The following TUBB3 variants were observed in gnomAD, a reference collection of about 807,000 sequenced individuals.
TUBB3 encodes tubulin beta 3 class III, also known as tubulin beta-3 chain.
In TUBB3, 17 loss-of-function variants were observed where a neutral mutation model predicts 37.8. That is an observed-to-expected ratio of 0.45 (90% CI 0.31 to 0.67). The LOEUF (loss-of-function observed/expected upper bound fraction) is 0.67, where lower values mean the gene tolerates loss of function less well. Among genes scored for constraint, TUBB3 ranks in the 30% least tolerant of loss-of-function variants. The pLI is 0.07. For missense variants in TUBB3, 262 were observed against 657.9 expected (o/e 0.40, Z 6.58); for synonymous variants, 332 against 278.9 (o/e 1.19, Z -1.90).
chr16:89,933,889 C>A (rs2030360205), intron 3 of TUBB3: 1 of 659,544 alleles, frequency 1.5e-6, no homozygotes, highest in African/African-American at 1.8e-5. Context: ...GAGCACGAGG[C>A]CTTGCTGCGG....
upstream of TUBB3, chr16:89,923,270 A>C: frequency 9.9e-6 from 6 of 603,424 alleles, no homozygotes; most frequent in Non-Finnish European, 1.2e-5. Context: ...CCGATTGGCC[A>C]CCCGCGGTGA....
At chr16:89,923,649 G>A (rs1466062219) in intron 1 of TUBB3, among the ~76,000 whole-genome samples, 191 bp downstream of exon 1, 4 of 152,180 alleles carry the variant, frequency 2.6e-5, no homozygotes, top group Admixed American at 1.3e-4. Flanking sequence ...CTCTGCCCCT[G>A]CCCAGGTGAC....
intron 1 of TUBB3, among the ~76,000 whole-genome samples, chr16:89,930,139 C>T (rs1194434423): frequency 1.3e-5 from 2 of 151,060 alleles, no homozygotes; most frequent in African/African-American, 4.9e-5. Context: ...CAGTCTCGCA[C>T]TATTGCCCAG....
At chr16:89,923,977 T>TCCAC (rs2029978387) in intron 1 of TUBB3, among the ~76,000 whole-genome samples, 1 of 151,642 alleles carries the variant, frequency 6.6e-6, no homozygotes, top group Non-Finnish European at 1.5e-5. Context: ...CCCCTCGGCG[T>TCCAC]CCTAGCTCCA....
At chr16:89,926,365 G>T (rs2030084470) in intron 1 of TUBB3, among the ~76,000 whole-genome samples, 1 of 152,242 alleles carries the variant, frequency 6.6e-6, no homozygotes, top group Non-Finnish European at 1.5e-5. Flanking sequence ...GGCCGGGCGG[G>T]AACCGCATTC....
intron 1 of TUBB3, among the ~76,000 whole-genome samples, chr16:89,926,805 C>T (rs2030105245): frequency 6.6e-6 from 1 of 151,992 alleles, no homozygotes; most frequent in Non-Finnish European, 1.5e-5. Flanking sequence ...GCAACCTCCA[C>T]TTCCTGGGTT....
At chr16:89,932,527 G>A (rs1432510723) in intron 1 of TUBB3, 44 bp from the exon 2 acceptor site, 7 of 1,536,914 alleles carry the variant, frequency 4.6e-6, no homozygotes, top group Non-Finnish European at 6.3e-6. Context: ...CCTGGCTGGG[G>A]CTATGGGCCG....
intron 2 of TUBB3, 25 bp downstream of exon 2, chr16:89,932,704 A>G (rs775417071): frequency 1.9e-6 from 3 of 1,590,426 alleles, no homozygotes; most frequent in Non-Finnish European, 2.6e-6. Flanking sequence ...CAGCCTCCCT[A>G]TCCCAGCCCT....
chr16:89,933,361 T>C (rs373408741), intron 2 of TUBB3, 107 bp from the exon 3 acceptor site: 23 of 948,862 alleles, frequency 2.4e-5, no homozygotes, highest in African/African-American at 1.4e-4. Context: ...GTACAGGCTC[T>C]TAGGATGTGA....
chr16:89,927,112 C>CA (rs897093954), intron 1 of TUBB3, among the ~76,000 whole-genome samples: 2 of 151,996 alleles, frequency 1.3e-5, no homozygotes, highest in African/African-American at 4.8e-5. Flanking sequence ...CGGTGGCTCA[C>CA]ACCTGTAATC....
intron 1 of TUBB3, among the ~76,000 whole-genome samples, chr16:89,925,184 T>C (rs886317409): frequency 1.3e-5 from 2 of 152,224 alleles, no homozygotes; most frequent in African/African-American, 4.8e-5. Context: ...CCCTGGACCG[T>C]GTCCTTGGCT....
At chr16:89,921,983 C>G (rs894310835), upstream of TUBB3, 5 of 152,480 alleles carry the variant, frequency 3.3e-5, no homozygotes, top group African/African-American at 1.2e-4. Flanking sequence ...AAAACTTCTT[C>G]CCTCGTGGAG....
At chr16:89,928,941 C>T (rs1417750731) in intron 1 of TUBB3, among the ~76,000 whole-genome samples, 4 of 148,214 alleles carry the variant, frequency 2.7e-5, no homozygotes, top group South Asian at 2.2e-4. Context: ...GGATTGCAGG[C>T]GTGAGCCACC....
chr16:89,933,774 C>G (rs1225431237), intron 3 of TUBB3, 196 bp downstream of exon 3: 1 of 706,216 alleles, frequency 1.4e-6, no homozygotes, highest in Non-Finnish European at 2.6e-6. Flanking sequence ...ACAGAAACCA[C>G]TCATGCATTT....
intron 1 of TUBB3, chr16:89,931,633 C>T (rs974055730): frequency 1.8e-5 from 3 of 166,950 alleles, no homozygotes; most frequent in Non-Finnish European, 2.7e-5. Context: ...CACAGATTAA[C>T]CCACTTTCAT....
chr16:89,923,550 C>A lies in TUBB3; in HGVS notation c.57+92C>A, dbSNP rs2029962365. ...GGCCGCACCTCCAGCTGCCCCCGCC[C>A]CTGCGAACCTGCAACAAAGGGATGC... On this transcript the variant is annotated intron_variant, in intron 1 of 3. Transcript: ENST00000315491. 4 of 1,193,010 alleles carry A rather than the reference C, an allele frequency of 3.4e-6. No homozygotes were observed. In the South Asian group the frequency reaches 7.7e-5, roughly 23 times the overall value. The allele number at this position is 1,193,010 out of a possible 1,614,324, so 73.9% of individuals were successfully genotyped here.
At position 89,923,431 on chromosome 16, in the gene TUBB3, C is replaced by G. The variant is rs1178928369; in HGVS notation, c.30C>G (p.Gly10=). 3 of 1,513,388 alleles carry G rather than the reference C, an allele frequency of 2.0e-6. No homozygotes were observed. Among genetic ancestry groups the G allele is most frequent in the Non-Finnish European group, 2.7e-6 (3 of 1,130,636 alleles). The allele number at this position is 1,513,388 out of a possible 1,614,324, so 93.7% of individuals were successfully genotyped here. ...GGGAGATCGTGCACATCCAGGCCGG[C>G]CAGTGCGGCAACCAGATCGGGGCCA... MREIVHIQA[G]QCGNQIGAKF... is the part of the protein sequence containing the mutation. Residue 10 remains glycine, a synonymous_variant, in exon 1 of 4, where the codon GGC becomes GGG. Transcript: ENST00000315491.
Position 89,926,362 on chromosome 16 carries a change from C to T in TUBB3, c.57+2904C>T, listed in dbSNP as rs552214480. Among the ~76,000 whole-genome samples, 25 of 152,318 alleles carry T rather than the reference C, an allele frequency of 1.6e-4. No individual in the cohort carries two copies. In the South Asian group the frequency reaches 5.2e-3, roughly 32 times the overall value. On this transcript the variant is annotated intron_variant, in intron 1 of 3. Transcript: ENST00000315491. ...AAGACCTGCGGAGCCGCGGGCCGGG[C>T]GGGAACCGCATTCGGGTCCTGGAGG...
chr16:89,933,642 A>T (rs1209450187), intron 3 of TUBB3, 64 bp downstream of exon 3: 1 of 1,273,126 alleles, frequency 7.9e-7, no homozygotes, highest in Non-Finnish European at 1.2e-6. Context: ...AGGTCGGTGG[A>T]CGGGGACGGC....
Sources: allele counts gnomAD v4.1 joint callset (sites outside exome capture counted in the v4.1 genomes callset), GRCh38; gene constraint gnomAD v4.1.1; transcripts MANE v1.5; gene names NCBI Gene and HGNC (gene_info 2026-07-23, HGNC 2026-07-21).